The following CDC42SE2 variants were observed in gnomAD, a reference collection of about 807,000 sequenced individuals.
CDC42SE2 encodes CDC42 small effector 2.
CDC42SE2 carries 3 observed loss-of-function variants against 11.5 expected under a neutral mutation model. The ratio of observed to expected loss-of-function variants is 0.26; its 90% CI spans 0.12 to 0.67. The LOEUF (loss-of-function observed/expected upper bound fraction) is 0.67, where lower values mean the gene tolerates loss of function less well. Ranked by LOEUF, CDC42SE2 falls within the 30% of genes least tolerant of loss-of-function variation. CDC42SE2 has a pLI of 0.80. For synonymous variants in CDC42SE2, 33 were observed against 34.8 expected, an observed-to-expected ratio of 0.95 and a Z score of 0.18; for missense variants, 82 against 106.8, an observed-to-expected ratio of 0.77 and a Z score of 1.02.
chr5:131,328,360 A>T (rs1758341223), intron 2 of CDC42SE2, among the ~76,000 whole-genome samples: 1 of 151,980 alleles, frequency 6.6e-6, no homozygotes, highest in Non-Finnish European at 1.5e-5. Flanking sequence ...TGATAATCTT[A>T]AATTTTCTAG....
chr5:131,316,951 A>G (rs963044521), intron 2 of CDC42SE2, among the ~76,000 whole-genome samples: 1 of 152,142 alleles, frequency 6.6e-6, no homozygotes, highest in African/African-American at 2.4e-5. Context: ...TGTTCTTTGT[A>G]GCCCCTTACA....
At chr5:131,333,320 G>C (rs1329190762) in intron 2 of CDC42SE2, among the ~76,000 whole-genome samples, 1 of 152,074 alleles carries the variant, frequency 6.6e-6, no homozygotes, top group Non-Finnish European at 1.5e-5. Context: ...CTGTTCCATT[G>C]GTCTATATCT....
At chr5:131,282,927 C>A (rs1465397165) in intron 1 of CDC42SE2, among the ~76,000 whole-genome samples, 2 of 145,648 alleles carry the variant, frequency 1.4e-5, no homozygotes, top group Non-Finnish European at 3.0e-5. Flanking sequence ...CTGCACCTGG[C>A]CCTTTTTTTT....
chr5:131,241,281 G>T (rs961348394), upstream of CDC42SE2, among the ~76,000 whole-genome samples: 6 of 152,070 alleles, frequency 3.9e-5, no homozygotes, highest in African/African-American at 1.4e-4. Flanking sequence ...TTTTTTCATG[G>T]TTATAAAGTC....
At chr5:131,263,963 A>G (rs1429297343), upstream of CDC42SE2, 1 of 151,338 alleles carries the variant, frequency 6.6e-6, no homozygotes, top group Non-Finnish European at 1.5e-5. Flanking sequence ...CAGCTGCGCA[A>G]CGGCGCCCGC....
At chr5:131,338,921 C>T (rs184638086) in intron 2 of CDC42SE2, among the ~76,000 whole-genome samples, 49 of 152,152 alleles carry the variant, frequency 3.2e-4, no homozygotes, top group Non-Finnish European at 5.1e-4. Context: ...TTGTGAATTT[C>T]GAAGCAGTAG....
At position 131,393,085 on chromosome 5, in the gene CDC42SE2, C is replaced by A. The variant is rs538423327; in HGVS notation, c.*1994C>A. The stretch of plus-strand genomic sequence containing the variant: ...TAAGCCAGAGTCAGTGGTTTGTGTT[C>A]TCATTAAAATGTTTGTTTAAATCCT... On this transcript the variant is annotated 3_prime_UTR_variant, in exon 5 of 5. Transcript: ENST00000505065. 2 of 152,420 alleles carry A rather than the reference C, an allele frequency of 1.3e-5. No individual in the cohort carries two copies. Among genetic ancestry groups the A allele is most frequent in the East Asian group, 1.9e-4 (1 of 5,328 alleles). 9.4% of individuals were successfully genotyped at this position (152,420 alleles called of 1,614,324 possible).
chr5:131,267,636 C>T (rs6870621), intron 1 of CDC42SE2, among the ~76,000 whole-genome samples: 3 of 152,100 alleles, frequency 2.0e-5, no homozygotes, highest in Non-Finnish European at 4.4e-5. Context: ...ACTAACATGG[C>T]ATATTGCAGC....
At chr5:131,306,468 T>C (rs887876540) in intron 1 of CDC42SE2, among the ~76,000 whole-genome samples, 5 of 152,204 alleles carry the variant, frequency 3.3e-5, no homozygotes, top group Admixed American at 2.6e-4. Context: ...TCCGTTTTTA[T>C]GCCAGTATGT....
At chr5:131,218,510 A>G in the CDC42SE2 span, among the ~76,000 whole-genome samples, 4 of 152,328 alleles carry the variant, frequency 2.6e-5, no homozygotes, top group African/African-American at 9.6e-5. Flanking sequence ...TACATATCCT[A>G]TGACTCAGCA....
Position 131,359,221 on chromosome 5 carries a change from A to G in CDC42SE2, c.-273A>G. 1 of 451,472 alleles carries G rather than the reference A, an allele frequency of 2.2e-6. No homozygotes were observed. Among genetic ancestry groups the G allele is most frequent in the South Asian group, 3.5e-5 (1 of 28,598 alleles). 28.0% of individuals were successfully genotyped at this position (451,472 alleles called of 1,614,324 possible). A position where few individuals can be genotyped will look rare whatever the true frequency, so the allele number is the denominator to read the frequency against. ...TTTTTTTCCCTAGACTATCTGTTATAGTCCCTGGGTCAAGACAACAATTTT... is the reference window on the plus strand; with the variant it reads ...TTTTTTTCCCTAGACTATCTGTTATGGTCCCTGGGTCAAGACAACAATTTT... On this transcript the variant is annotated 5_prime_UTR_variant, in exon 3 of 5. It adds an upstream start codon to the 5' untranslated region. Coordinates refer to ENST00000505065, the MANE Select transcript of CDC42SE2 (RefSeq NM_001375635.1).
chr5:131,383,263 CAGG>C (rs1243539602), intron 3 of CDC42SE2, among the ~76,000 whole-genome samples: 20 of 152,134 alleles, frequency 1.3e-4, no homozygotes, highest in Admixed American at 1.2e-3. Flanking sequence ...AAAAAGATAG[CAGG>C]AAACCAGTGC....
At chr5:131,263,717 G>A (rs977784139), upstream of CDC42SE2, 2 of 151,322 alleles carry the variant, frequency 1.3e-5, no homozygotes, top group African/African-American at 4.8e-5. Flanking sequence ...GCCCGGGCCG[G>A]GGTGGGAAGG....
upstream of CDC42SE2, among the ~76,000 whole-genome samples, chr5:131,262,691 A>G (rs545106220): frequency 1.6e-3 from 246 of 152,312 alleles, 1 homozygote; most frequent in African/African-American, 5.1e-3. Flanking sequence ...CATAACCCAC[A>G]TATATCCTCC....
At chr5:131,369,473 T>TA (rs1749954308) in intron 3 of CDC42SE2, among the ~76,000 whole-genome samples, 1 of 152,198 alleles carries the variant, frequency 6.6e-6, no homozygotes, top group Non-Finnish European at 1.5e-5. Context: ...CTGAGGAAGT[T>TA]ACCTTTACCA....
intron 1 of CDC42SE2, among the ~76,000 whole-genome samples, chr5:131,301,757 CAAAA>C (rs776546882): frequency 9.4e-6 from 1 of 106,404 alleles, no homozygotes; most frequent in Non-Finnish European, 2.0e-5. Context: ...GACTCCGTCT[CAAAA>C]AAAAAAAAAA....
upstream of CDC42SE2, chr5:131,261,329 GA>G (rs772566720): frequency 6.6e-6 from 1 of 152,134 alleles, no homozygotes; most frequent in Non-Finnish European, 1.5e-5. Context: ...AATGACTCTA[GA>G]AAAATTTTAT....
At chr5:131,218,018 T>G in the CDC42SE2 span, among the ~76,000 whole-genome samples, 1 of 151,686 alleles carries the variant, frequency 6.6e-6, no homozygotes, top group African/African-American at 2.4e-5. Context: ...CTACAAAAAT[T>G]GCAAAAATTA....
chr5:131,212,380 T>C, the CDC42SE2 span, among the ~76,000 whole-genome samples: 307 of 152,336 alleles, frequency 2.0e-3, no homozygotes, highest in African/African-American at 7.2e-3. Flanking sequence ...AGTGCTGGGA[T>C]TACAGGCGTG....
Sources: allele counts gnomAD v4.1 joint callset (sites outside exome capture counted in the v4.1 genomes callset), GRCh38; gene constraint gnomAD v4.1.1; transcripts MANE v1.5; gene names NCBI Gene and HGNC (gene_info 2026-07-23, HGNC 2026-07-21).